Variants in BLTP1 observed in about 807,000 individuals in gnomAD.
The protein encoded by BLTP1 is fragile site-associated protein.
the BLTP1 span, chr4:122,257,423 C>A: frequency 6.2e-7 from 1 of 1,614,030 alleles, no homozygotes; most frequent in South Asian, 1.1e-5. Context: ...TGAAGATGGA[C>A]TTGGATTGGA....
the BLTP1 span, chr4:122,267,051 A>AT: frequency 0.043 from 6,570 of 151,084 alleles, 539 homozygotes; most frequent in East Asian, 0.11. Flanking sequence ...TAAGGAAGTA[A>AT]TTTTTTTTTT....
chr4:122,199,211 G>A, the BLTP1 span: 1 of 1,007,502 alleles, frequency 9.9e-7, no homozygotes, highest in Non-Finnish European at 1.4e-6. Context: ...AAGTTAGCAA[G>A]CTCCCTGTCA....
the BLTP1 span, chr4:122,249,145 A>ATT: frequency 8.3e-6 from 6 of 722,136 alleles, no homozygotes; most frequent in East Asian, 1.3e-4. Flanking sequence ...AATTAATTGA[A>ATT]TTTTTTTTTT....
chr4:122,197,064 A>G, the BLTP1 span: 1 of 596,758 alleles, frequency 1.7e-6, no homozygotes, highest in Non-Finnish European at 2.7e-6. Flanking sequence ...TAAAAATTTG[A>G]ACTTTTGTTC....
chr4:122,339,043 C>T, the BLTP1 span: 9 of 302,192 alleles, frequency 3.0e-5, no homozygotes, highest in Non-Finnish European at 3.9e-5. Flanking sequence ...TCTTAACTTT[C>T]CTGTAGATGT....
the BLTP1 span, chr4:122,350,123 A>G: frequency 3.5e-5 from 54 of 1,561,044 alleles, no homozygotes; most frequent in Non-Finnish European, 4.4e-5. Context: ...TTCACTAAAT[A>G]TGTTACATTT....
chr4:122,211,002 T>C, the BLTP1 span: 2 of 1,613,640 alleles, frequency 1.2e-6, no homozygotes, highest in Admixed American at 1.7e-5. Flanking sequence ...CCTCAGAACT[T>C]CCACCTGATA....
At chr4:122,344,646 A>C in the BLTP1 span, 1 of 1,217,708 alleles carries the variant, frequency 8.2e-7, no homozygotes. Flanking sequence ...TTAAATATTA[A>C]GTCACTTAAT....
the BLTP1 span, chr4:122,186,348 G>A: frequency 2.1e-6 from 1 of 487,394 alleles, no homozygotes; most frequent in Non-Finnish European, 3.2e-6. Flanking sequence ...GAAACTTTTA[G>A]TAACATAAAT....
At chr4:122,254,100 T>G in the BLTP1 span, 1 of 1,149,668 alleles carries the variant, frequency 8.7e-7, no homozygotes, top group East Asian at 2.4e-5. Context: ...AGACTTGATT[T>G]GATGAAAAGG....
the BLTP1 span, among the ~76,000 whole-genome samples, chr4:122,252,366 G>A: frequency 6.6e-6 from 1 of 152,174 alleles, no homozygotes; most frequent in African/African-American, 2.4e-5. Flanking sequence ...CTGATTTCAG[G>A]ACATGGCTCC....
the BLTP1 span, among the ~76,000 whole-genome samples, chr4:122,198,603 T>TA: frequency 6.6e-6 from 1 of 152,102 alleles, no homozygotes; most frequent in African/African-American, 2.4e-5. Flanking sequence ...GTATATCTAT[T>TA]ATAAATGTGT....
At chr4:122,179,473 T>C in the BLTP1 span, among the ~76,000 whole-genome samples, 16 of 152,140 alleles carry the variant, frequency 1.1e-4, no homozygotes, top group Admixed American at 3.3e-4. Flanking sequence ...TCTCCATGCT[T>C]ACATGGTCTG....
the BLTP1 span, chr4:122,172,994 A>G: frequency 6.8e-6 from 11 of 1,609,846 alleles, no homozygotes; most frequent in Non-Finnish European, 3.4e-6. Flanking sequence ...ATTACTGTGT[A>G]GAAGTAAATC....
At chr4:122,331,528 A>G in the BLTP1 span, 64 of 1,610,542 alleles carry the variant, frequency 4.0e-5, no homozygotes, top group Non-Finnish European at 5.1e-5. Context: ...ACATGATGAT[A>G]TAAGTTTGAG....
At chr4:122,274,565 G>T in the BLTP1 span, 1 of 1,391,852 alleles carries the variant, frequency 7.2e-7, no homozygotes. Flanking sequence ...GAATCCTGTC[G>T]TTAAGAATAT....
the BLTP1 span, chr4:122,154,510 G>C: frequency 1.0e-6 from 1 of 982,288 alleles, no homozygotes; most frequent in South Asian, 4.7e-5. Flanking sequence ...TGCTTAACAG[G>C]TGTCAAAATT....
chr4:122,287,701 G>A, the BLTP1 span: 31 of 985,174 alleles, frequency 3.1e-5, no homozygotes, highest in African/African-American at 2.4e-4. Context: ...ACATATTTAA[G>A]TCTGATTTAC....
At chr4:122,265,200 A>T in the BLTP1 span, among the ~76,000 whole-genome samples, 1 of 152,124 alleles carries the variant, frequency 6.6e-6, no homozygotes, top group East Asian at 1.9e-4. Flanking sequence ...GGATACCAAA[A>T]TCTGTGGTAT....
Sources: allele counts gnomAD v4.1 joint callset (sites outside exome capture counted in the v4.1 genomes callset), GRCh38; gene constraint gnomAD v4.1.1; transcripts MANE v1.5; gene names NCBI Gene and HGNC (gene_info 2026-07-23, HGNC 2026-07-21).